Variants in MRPS18A observed in about 807,000 individuals in gnomAD.
MRPS18A encodes large ribosomal subunit protein mL66.
In MRPS18A, 20 loss-of-function variants were observed where a neutral mutation model predicts 22.7. The ratio of observed to expected loss-of-function variants is 0.88; its 90% CI spans 0.62 to 1.28. The LOEUF (loss-of-function observed/expected upper bound fraction) is 1.28, where lower values mean the gene tolerates loss of function less well. Ranked by LOEUF, MRPS18A falls within the 50% of genes most tolerant of loss-of-function variation. The probability of loss-of-function intolerance (pLI) is 0.00; values close to 1 mark genes in which losing one functional copy is unlikely to be tolerated. For missense variants in MRPS18A, 294 were observed against 262.6 expected (o/e 1.12, Z -0.83); for synonymous variants, 106 against 99.1 (o/e 1.07, Z -0.41).
intron 1 of MRPS18A, among the ~76,000 whole-genome samples, chr6:43,685,099 A>G (rs1000029790): frequency 1.1e-4 from 16 of 152,106 alleles, no homozygotes; most frequent in African/African-American, 2.9e-4. Flanking sequence ...TCTACTTCCA[A>G]CTCCATCACT....
chr6:43,680,933 A>G (rs989149239), intron 2 of MRPS18A, among the ~76,000 whole-genome samples, 156 bp downstream of exon 2: 2 of 152,194 alleles, frequency 1.3e-5, no homozygotes, highest in Non-Finnish European at 2.9e-5. Context: ...ACTATAGCAC[A>G]CAGCTTGAAA....
At position 43,675,517 on chromosome 6, in the gene MRPS18A, C is replaced by A; in HGVS notation, c.353G>T (p.Cys118Phe). The A allele has an allele frequency of 6.2e-7, 1 of 1,614,192 alleles. No individual in the cohort carries two copies. Among genetic ancestry groups the A allele is most frequent in the Non-Finnish European group, 8.5e-7 (1 of 1,180,034 alleles). ...CQEEHRKIEECVKMAHRAGLL... is the reference protein window; with the variant it reads ...CQEEHRKIEEFVKMAHRAGLL... The stretch of plus-strand genomic sequence containing the variant: ...ACCTGCTCGGTGGGCCATCTTCACA[C>A]ACTCCTCGATCTTGCGGTGTTCTTC... Residue 118 changes from cysteine (C) to phenylalanine (F), a missense_variant, in exon 4 of 6, where the codon TGT becomes TTT. Cys to Phe is a radical substitution (Grantham distance 205). Transcript: ENST00000372133.
At chr6:43,681,464 G>A (rs1365906081) in intron 1 of MRPS18A, among the ~76,000 whole-genome samples, 1 of 152,258 alleles carries the variant, frequency 6.6e-6, no homozygotes, top group Middle Eastern at 3.2e-3. Flanking sequence ...AGCAATAAAA[G>A]AGGGTGGGGT....
At chr6:43,672,270 T>C (rs891078191) in intron 5 of MRPS18A, 39 of 443,128 alleles carry the variant, frequency 8.8e-5, no homozygotes, top group Non-Finnish European at 1.0e-4. Context: ...GAAGAGCTGA[T>C]GTAAGGCTCT....
rs531921005 is a variant in MRPS18A, at chr6:43,684,152, T to C, written c.113-3032A>G. Among the ~76,000 whole-genome samples, 12 of 152,076 alleles carry C rather than the reference T, an allele frequency of 7.9e-5. No individual in the cohort carries two copies. The South Asian group carries it at 2.5e-3, about 32-fold the overall frequency. On this transcript the variant is annotated intron_variant, in intron 1 of 5. Transcript: ENST00000372133. ...ACAAACACAGAAAATGCAAAAAACC[T>C]TGATGGCCACATGAACAGACACAGT...
chr6:43,671,503 C>A lies in MRPS18A; in HGVS notation c.*259G>T. The A allele has an allele frequency of 1.8e-6, 1 of 548,532 alleles. No homozygotes were observed. Among genetic ancestry groups the A allele is most frequent in the Non-Finnish European group, 3.3e-6 (1 of 305,978 alleles). The allele number at this position is 548,532 out of a possible 1,614,324, so 34.0% of individuals were successfully genotyped here. A position where few individuals can be genotyped will look rare whatever the true frequency, so the allele number is the denominator to read the frequency against. On this transcript the variant is annotated 3_prime_UTR_variant, in exon 6 of 6. Coordinates refer to ENST00000372133, the MANE Select transcript of MRPS18A (RefSeq NM_018135.4). ...CACTGCGTTGGGCAAAACTCCTGTC[C>A]CCAGCACTGAGCATGGCCTAAGCCC...
intron 3 of MRPS18A, 123 bp downstream of exon 3, chr6:43,678,395 C>T: frequency 1.4e-6 from 1 of 723,520 alleles, no homozygotes; most frequent in Non-Finnish European, 2.4e-6. Context: ...ACAAAATGCT[C>T]CCATCTCTGG....
chr6:43,685,963 C>T (rs535254787), intron 1 of MRPS18A, among the ~76,000 whole-genome samples: 3 of 152,248 alleles, frequency 2.0e-5, no homozygotes, highest in South Asian at 2.1e-4. Context: ...ATTTACAGTC[C>T]ATCCTTTTTT....
chr6:43,683,423 G>A (rs999031522), intron 1 of MRPS18A, among the ~76,000 whole-genome samples: 1 of 152,174 alleles, frequency 6.6e-6, no homozygotes, highest in Admixed American at 6.6e-5. Context: ...CCTCGAAAGA[G>A]GAGATAGGAA....
rs753032599 is a variant in MRPS18A at position 43,671,802 on chromosome 6, T to C, written c.551A>G (p.Asn184Ser). The change falls in exon 6 of 6, where the codon AAT (asparagine) becomes AGT (serine). Residue 184 changes from asparagine (N) to serine (S), a missense_variant. Physicochemically the swap from Asn to Ser is conservative, Grantham distance 46. Transcript: ENST00000372133. Reference sequence around the variant, plus strand: ...CCAAGGTGTTCTTGAGTAGCAGACATTGTCCCTCAGAAGGGGTGACCCCAC... The same window carrying C: ...CCAAGGTGTTCTTGAGTAGCAGACACTGTCCCTCAGAAGGGGTGACCCCAC... ...MPVGSPLLRD[N>S]VCYSRTPWKL... The C allele has an allele frequency of 3.7e-6, 6 of 1,614,092 alleles. No individual in the cohort carries two copies. The highest frequency in any genetic ancestry group is 3.3e-5 in the Admixed American group (2 of 60,008).
intron 1 of MRPS18A, 118 bp downstream of exon 1, chr6:43,687,550 T>C (rs1281328775): frequency 1.1e-6 from 1 of 889,980 alleles, no homozygotes; most frequent in African/African-American, 1.7e-5. Flanking sequence ...GGGGAGCCGG[T>C]ACCTCCAAAG....
In MRPS18A at chr6:43,687,720, C is replaced by A; in HGVS notation, c.60G>T (p.Ala20=). 1.3e-6 allele frequency: 2 copies of A among 1,588,016 alleles called. No homozygotes were observed. The highest frequency in any genetic ancestry group is 1.7e-6 in the Non-Finnish European group (2 of 1,167,470). Reference sequence around the variant, plus strand: ...GAGACCAGCTGGTCGCTGCCGGGCCCGCTAGTAGCCCACGGAGAAGCCGCC... The same window carrying A: ...GAGACCAGCTGGTCGCTGCCGGGCCAGCTAGTAGCCCACGGAGAAGCCGCC... ...GCGRLLRGLL[A]GPAATSWSRL... The change falls in exon 1 of 6, where the codon GCG becomes GCT. Residue 20 remains alanine, a synonymous_variant. Coordinates refer to ENST00000372133, the MANE Select transcript of MRPS18A (RefSeq NM_018135.4).
At chr6:43,686,301 G>A (rs569720497) in intron 1 of MRPS18A, among the ~76,000 whole-genome samples, 1 of 152,158 alleles carries the variant, frequency 6.6e-6, no homozygotes, top group African/African-American at 2.4e-5. Context: ...AAATGGTATG[G>A]AGATATGCCT....
chr6:43,675,752 C>T, intron 3 of MRPS18A, 135 bp from the exon 4 acceptor site: 3 of 1,036,410 alleles, frequency 2.9e-6, no homozygotes, highest in Non-Finnish European at 4.1e-6. Context: ...CCACACAGAG[C>T]TTTGCACATG....
chr6:43,685,988 G>A (rs558037016), intron 1 of MRPS18A, among the ~76,000 whole-genome samples: 80 of 152,080 alleles, frequency 5.3e-4, no homozygotes, highest in African/African-American at 1.9e-3. Context: ...TTTTTAAAGA[G>A]GTGGGCGTTC....
chr6:43,679,212 T>TGGG (rs1774247269), intron 2 of MRPS18A, among the ~76,000 whole-genome samples: 1 of 152,158 alleles, frequency 6.6e-6, no homozygotes, highest in South Asian at 2.1e-4. Context: ...TTGTCACGAC[T>TGGG]GGGGGAGGGA....
At chr6:43,683,730 C>G (rs1220487637) in intron 1 of MRPS18A, among the ~76,000 whole-genome samples, 1 of 152,206 alleles carries the variant, frequency 6.6e-6, no homozygotes. Flanking sequence ...ATGAAATAAT[C>G]TGTCCCCAGT....
chr6:43,686,085 T>C (rs536449336), intron 1 of MRPS18A, among the ~76,000 whole-genome samples: 2 of 152,236 alleles, frequency 1.3e-5, no homozygotes, highest in African/African-American at 2.4e-5. Context: ...ATTAAAGATA[T>C]GTACCACTGT....
chr6:43,687,624 C>T (rs1774789775), intron 1 of MRPS18A, 44 bp downstream of exon 1: 1 of 1,461,720 alleles, frequency 6.8e-7, no homozygotes, highest in East Asian at 2.5e-5. Context: ...GCAGTCTCTG[C>T]CGCTCTTCTT....
Sources: allele counts gnomAD v4.1 joint callset (sites outside exome capture counted in the v4.1 genomes callset), GRCh38; gene constraint gnomAD v4.1.1; transcripts MANE v1.5; gene names NCBI Gene and HGNC (gene_info 2026-07-23, HGNC 2026-07-21).